The following RNF220 variants were observed in gnomAD, a reference collection of about 807,000 sequenced individuals.
The protein encoded by RNF220 is E3 ubiquitin-protein ligase RNF220.
RNF220 carries 7 observed loss-of-function variants against 67.1 expected under a neutral mutation model. The observed-to-expected ratio is 0.10, with a 90% CI of 0.06 to 0.20. The LOEUF (loss-of-function observed/expected upper bound fraction) is 0.20. Ranked by LOEUF, RNF220 falls within the 10% of genes least tolerant of loss-of-function variation. The probability of loss-of-function intolerance (pLI) is 1.00; values close to 1 mark genes in which losing one functional copy is unlikely to be tolerated. For synonymous variants in RNF220, 270 were observed against 283.2 expected, an observed-to-expected ratio of 0.95 and a Z score of 0.47; for missense variants, 565 against 740.3, an observed-to-expected ratio of 0.76 and a Z score of 2.75.
chr1:44,577,493 C>A (rs1050316991), intron 2 of RNF220, among the ~76,000 whole-genome samples: 2 of 152,230 alleles, frequency 1.3e-5, no homozygotes, highest in Non-Finnish European at 2.9e-5. Context: ...CATCCCTGAT[C>A]CTATGCCATT....
At chr1:44,459,742 T>C (rs765547125) in intron 2 of RNF220, among the ~76,000 whole-genome samples, 1 of 152,096 alleles carries the variant, frequency 6.6e-6, no homozygotes, top group Non-Finnish European at 1.5e-5. Context: ...AGAGGGAATA[T>C]CCACATGCAA....
intron 2 of RNF220, among the ~76,000 whole-genome samples, chr1:44,541,092 C>G (rs270754): frequency 0.75 from 113,542 of 152,104 alleles, 43,023 homozygotes; most frequent in African/African-American, 0.87. Flanking sequence ...TCATGGAAGA[C>G]GAAACTGAAC....
Position 44,600,511 on chromosome 1 carries a change from T to C in RNF220, c.626-13654T>C, listed in dbSNP as rs1287003412. ...CTCTACGCCTCTGTTTCCTTACTTA[T>C]AAAATAGGGATTAAATAGTACAGTG... is the stretch of plus-strand genomic sequence containing the variant. On this transcript the variant is annotated intron_variant, in intron 2 of 14. Coordinates refer to ENST00000361799, the MANE Select transcript of RNF220 (RefSeq NM_018150.4). This position sits in a 1 kb window ranked among gnomAD's most constrained non-coding sequence, Gnocchi z 4.0. 1.3e-5 allele frequency among the ~76,000 whole-genome samples: 2 copies of C among 152,096 alleles called. No homozygotes were observed. The highest frequency in any genetic ancestry group is 2.9e-5 in the Non-Finnish European group (2 of 68,004).
At chr1:44,525,305 G>A (rs980708759) in intron 2 of RNF220, among the ~76,000 whole-genome samples, 10 of 152,326 alleles carry the variant, frequency 6.6e-5, no homozygotes, top group East Asian at 3.9e-4. Flanking sequence ...TTGGCAAAAC[G>A]GGGAAAGGCT....
At chr1:44,418,228 G>A (rs1235970468) in intron 2 of RNF220, among the ~76,000 whole-genome samples, 5 of 152,174 alleles carry the variant, frequency 3.3e-5, no homozygotes, top group Non-Finnish European at 4.4e-5. Flanking sequence ...GATGGCCACT[G>A]CGCGGGGAGG....
chr1:44,433,790 C>T (rs564130496), intron 2 of RNF220, among the ~76,000 whole-genome samples: 20 of 152,176 alleles, frequency 1.3e-4, no homozygotes, highest in Middle Eastern at 3.4e-3. Context: ...TGGTGAAACC[C>T]CATCTCTACT....
At position 44,543,002 on chromosome 1, in the gene RNF220, A is replaced by T. The variant is rs969556908; in HGVS notation, c.626-71163A>T. On this transcript the variant is annotated intron_variant, in intron 2 of 14. Transcript: ENST00000361799. ...GGCCCTGTCTCTCGGCAGTGTTGCT[A>T]GGTGCGGTGAGCCCAGGCGCCTGCC... 2.0e-5 allele frequency among the ~76,000 whole-genome samples: 3 copies of T among 152,120 alleles called. No homozygotes were observed. In the East Asian group the frequency reaches 5.8e-4, roughly 30 times the overall value.
chr1:44,608,270 A>G (rs1406051591), intron 2 of RNF220, among the ~76,000 whole-genome samples: 6 of 152,046 alleles, frequency 3.9e-5, no homozygotes, highest in Non-Finnish European at 5.9e-5. Flanking sequence ...CAATCGTTTC[A>G]TGTTTCTATC....
chr1:44,449,014 A>G (rs921412467), intron 2 of RNF220, among the ~76,000 whole-genome samples: 1 of 152,228 alleles, frequency 6.6e-6, no homozygotes, highest in Non-Finnish European at 1.5e-5. Flanking sequence ...TCACTGTACA[A>G]CCACACCTCA....
Position 44,644,726 on chromosome 1 carries a change from A to G in RNF220, c.1155A>G (p.Lys385=), listed in dbSNP as rs555385582. The part of the protein sequence containing the change: ...RGSGFIMCSG[K]ENPDSDADLD... ...CTGGCTTCATCATGTGCAGCGGCAA[A>G]GAGAACCCGGACAGTGATGCTGACT... The change falls in exon 9 of 15, where the codon AAA becomes AAG. Residue 385 remains lysine (K), a synonymous_variant. Coordinates refer to ENST00000361799, the MANE Select transcript of RNF220 (RefSeq NM_018150.4). The G allele has an allele frequency of 3.3e-5, 53 of 1,614,112 alleles. No individual in the cohort carries two copies. The South Asian group carries it at 5.4e-4, about 16-fold the overall frequency.
chr1:44,642,745 G>A (rs1644524400), intron 8 of RNF220, among the ~76,000 whole-genome samples: 1 of 152,164 alleles, frequency 6.6e-6, no homozygotes, highest in African/African-American at 2.4e-5. Context: ...GAGCCATATT[G>A]GGCTCACATG....
chr1:44,503,103 A>T (rs1298323217), intron 2 of RNF220, among the ~76,000 whole-genome samples: 4 of 152,006 alleles, frequency 2.6e-5, no homozygotes, highest in Non-Finnish European at 5.9e-5. Flanking sequence ...GGAGGCCTAG[A>T]TGGGCAGATC....
chr1:44,633,344 A>G (rs1005513733), intron 6 of RNF220, among the ~76,000 whole-genome samples: 2 of 152,238 alleles, frequency 1.3e-5, no homozygotes, highest in Admixed American at 6.5e-5. Context: ...GCCATGATTC[A>G]ATTGAAGTTT....
rs762123016 is a variant in RNF220, at chr1:44,649,779, A to G, written c.1554+10A>G. 2 of 1,613,738 alleles carry G rather than the reference A, an allele frequency of 1.2e-6. No homozygotes were observed. The highest frequency in any genetic ancestry group is 1.7e-5 in the Admixed American group (1 of 59,986). ...ATGCCTCATCTGCATGGTGAGTAGAAAAGAACCTAGGGGTGCCCTTGGTCA... is the reference window on the plus strand; with the variant it reads ...ATGCCTCATCTGCATGGTGAGTAGAGAAGAACCTAGGGGTGCCCTTGGTCA... On this transcript the variant is annotated intron_variant, in intron 13 of 14. Coordinates refer to ENST00000361799, the MANE Select transcript of RNF220 (RefSeq NM_018150.4). The surrounding 1 kb of genome is among the most constrained non-coding windows in gnomAD (Gnocchi z 5.9).
chr1:44,604,401 G>A (rs1428001092), intron 2 of RNF220, among the ~76,000 whole-genome samples: 2 of 152,220 alleles, frequency 1.3e-5, no homozygotes, highest in African/African-American at 4.8e-5. Flanking sequence ...TTAGCTAAAG[G>A]AGAGAAACTG....
At chr1:44,441,296 G>A (rs1651528291) in intron 2 of RNF220, among the ~76,000 whole-genome samples, 1 of 152,260 alleles carries the variant, frequency 6.6e-6, no homozygotes, top group Admixed American at 6.5e-5. Context: ...GGAAAGTCAT[G>A]CCTGGCAGGA....
At chr1:44,558,093 G>A (rs916881806) in intron 2 of RNF220, among the ~76,000 whole-genome samples, 1 of 152,234 alleles carries the variant, frequency 6.6e-6, no homozygotes, top group African/African-American at 2.4e-5. Context: ...AATGAAGAAG[G>A]ATTTCTAGGT....
chr1:44,514,548 T>C (rs1486869416), intron 2 of RNF220, among the ~76,000 whole-genome samples: 1 of 152,208 alleles, frequency 6.6e-6, no homozygotes, highest in Non-Finnish European at 1.5e-5. Context: ...TCTTTAATGC[T>C]GATGACCATG....
intron 2 of RNF220, among the ~76,000 whole-genome samples, chr1:44,513,438 CTTCTT>C (rs973214902): frequency 1.3e-5 from 2 of 152,136 alleles, no homozygotes; most frequent in African/African-American, 4.8e-5. Context: ...CTTTCACTCT[CTTCTT>C]TTCAGAGTTG....
Sources: gnomAD v4.1 joint callset for allele counts (sites outside exome capture counted in the v4.1 genomes callset) on GRCh38, gnomAD v4.1.1 for gene constraint, Gnocchi (gnomAD v3.1) non-coding constraint, MANE v1.5 for transcripts, NCBI Gene and HGNC (gene_info 2026-07-23, HGNC 2026-07-21) for gene names.